HOXA3: variants seen among roughly 807,000 people sequenced by gnomAD.
The protein encoded by HOXA3 is homeobox protein Hox-A3.
Under a neutral mutation model 30.3 loss-of-function variants are expected in HOXA3, and 8 were observed. The ratio of observed to expected loss-of-function variants is 0.26; its 90% CI spans 0.15 to 0.48. The LOEUF is 0.48. Among genes scored for constraint, HOXA3 ranks in the 20% least tolerant of loss-of-function variants. The pLI is 0.99. For synonymous variants in HOXA3, 323 were observed against 273.1 expected (o/e 1.18, Z -1.80); for missense variants, 653 against 614.4 (o/e 1.06, Z -0.66).
chr7:27,145,654 G>A, intron 1 of HOXA3: 1 of 1,612,164 alleles, frequency 6.2e-7, no homozygotes, highest in Non-Finnish European at 8.5e-7. Context: ...CCCTGCCCAG[G>A]CATCTACTCG....
intron 2 of HOXA3, among the ~76,000 whole-genome samples, chr7:27,135,569 G>C (rs1785684947): frequency 6.6e-6 from 1 of 152,128 alleles, no homozygotes; most frequent in Non-Finnish European, 1.5e-5. Flanking sequence ...TTCTGTGTTT[G>C]AAAACTGCAA....
intron 3 of HOXA3, chr7:27,123,317 G>T: frequency 6.6e-6 from 1 of 152,444 alleles, no homozygotes. Context: ...GAAACTGAGA[G>T]GGACGCCGGC....
rs186097482 is a variant in HOXA3 at position 27,124,778 on chromosome 7, G to A, written c.-205+2108C>T. 3.7e-3 allele frequency among the ~76,000 whole-genome samples: 568 copies of A among 152,246 alleles called. 2 individuals are homozygous for A. The highest frequency in any genetic ancestry group is 6.8e-3 in the Middle Eastern group (2 of 294). On this transcript the variant is annotated intron_variant, in intron 3 of 5. Coordinates refer to ENST00000612286, the MANE Select transcript of HOXA3 (RefSeq NM_153631.3). ...CTACACCTTTATCAGCTGCAACCAGGGTCCTTTTTTTGGCTCTGCCGGCCT... is the reference window on the plus strand; with the variant it reads ...CTACACCTTTATCAGCTGCAACCAGAGTCCTTTTTTTGGCTCTGCCGGCCT...
intron 1 of HOXA3, among the ~76,000 whole-genome samples, chr7:27,143,978 C>G (rs1196202038): frequency 6.6e-6 from 1 of 152,188 alleles, no homozygotes; most frequent in Non-Finnish European, 1.5e-5. Flanking sequence ...GGGCCGGGGT[C>G]GAATTGAGGT....
intron 4 of HOXA3, among the ~76,000 whole-genome samples, chr7:27,118,790 C>T (rs146469013): frequency 9.8e-4 from 150 of 152,344 alleles, no homozygotes; most frequent in Non-Finnish European, 1.5e-3. Context: ...GGGGCAGGCC[C>T]AGAAATAACT....
intron 2 of HOXA3, among the ~76,000 whole-genome samples, chr7:27,138,024 C>A (rs1040444672): frequency 1.9e-4 from 29 of 151,920 alleles, no homozygotes; most frequent in African/African-American, 6.8e-4. Context: ...TAAAATGGAA[C>A]CATAACGCAA....
intron 1 of HOXA3, among the ~76,000 whole-genome samples, chr7:27,148,308 C>A (rs1185238689): frequency 6.6e-6 from 1 of 152,398 alleles, no homozygotes; most frequent in East Asian, 1.9e-4. Flanking sequence ...CCCTAGCGCT[C>A]CCCTATTCGT....
At chr7:27,151,791 C>A in intron 1 of HOXA3, 1 of 417,544 alleles carries the variant, frequency 2.4e-6, no homozygotes. Context: ...TGCACTTTGC[C>A]CTCACCTCTT....
Position 27,114,837 on chromosome 7 carries a change from A to ATATATAT in HOXA3, c.-120-4084_-120-4078dup, listed in dbSNP as rs1240891291. Among the ~76,000 whole-genome samples the ATATATAT allele has an allele frequency of 7.6e-4, 55 of 72,308 alleles. 1 individual carries two copies. Among genetic ancestry groups the ATATATAT allele is most frequent in the Non-Finnish European group, 1.1e-3 (35 of 32,308 alleles). The allele number at this position is 72,308 out of a possible 152,430, so 47.4% of individuals were successfully genotyped here. The stretch of plus-strand genomic sequence containing the variant: ...CATACATATATATATAATATATATT[A>ATATATAT]TATATATAATATATATTATATATAT... On this transcript the variant is annotated intron_variant, in intron 4 of 5. Transcript: ENST00000612286.
At position 27,130,286 on chromosome 7, in the gene HOXA3, G is replaced by A. The variant is rs1234880641; in HGVS notation, c.-389-3216C>T. The stretch of plus-strand genomic sequence containing the variant: ...TCGCAGCGCCGCGGGGCCGCTGGGG[G>A]CACGGCGCGAGGCTGCAGGGGCGGC... On this transcript the variant is annotated intron_variant, in intron 2 of 5. Transcript: ENST00000612286. 1 of 1,103,484 alleles carries A rather than the reference G, an allele frequency of 9.1e-7. No homozygotes were observed. Among genetic ancestry groups the A allele is most frequent in the Non-Finnish European group, 1.1e-6 (1 of 906,716 alleles). The allele number at this position is 1,103,484 out of a possible 1,614,324, so 68.4% of individuals were successfully genotyped here. A position where few individuals can be genotyped will look rare whatever the true frequency, so the allele number is the denominator to read the frequency against.
intron 1 of HOXA3, chr7:27,142,206 G>A: frequency 9.9e-7 from 1 of 1,008,436 alleles, no homozygotes; most frequent in Non-Finnish European, 1.4e-6. Context: ...CTGCCTACCA[G>A]CCCGCACACC....
At position 27,110,700 on chromosome 7, in the gene HOXA3, C is replaced by G; in HGVS notation, c.-60G>C. On this transcript the variant is annotated 5_prime_UTR_variant, in exon 5 of 6. Transcript: ENST00000612286. ...CAGGGGTTTGACACCCGTGAGGGCG[C>G]ACATTGGCACGCCCCCGCGGTCACG... 6.3e-7 allele frequency: 1 copy of G among 1,582,674 alleles called. No individual in the cohort carries two copies.
At chr7:27,130,758 A>C (rs1230357435) in intron 2 of HOXA3, 1 of 1,592,552 alleles carries the variant, frequency 6.3e-7, no homozygotes, top group South Asian at 1.1e-5. Flanking sequence ...CAAAAATACT[A>C]ATTTTTCTCG....
At chr7:27,151,616 C>T (rs905065404) in intron 1 of HOXA3, 5 of 456,642 alleles carry the variant, frequency 1.1e-5, no homozygotes, top group East Asian at 6.9e-5. Context: ...GCGCTTCAGA[C>T]ACCTCTCTCA....
Position 27,152,091 on chromosome 7 carries a change from TGTGCGTGCGCGC to T in HOXA3, c.-494+185_-494+196del, listed in dbSNP as rs1477151983. ...AGAAAGGGAGTGGTGTGTGTGTGTG[TGTGCGTGCGCGC>T]GTGTGTGCCTGTGTGTGTGACGTGT... On this transcript the variant is annotated intron_variant, in intron 1 of 5. Transcript: ENST00000612286. Among the ~76,000 whole-genome samples the T allele has an allele frequency of 8.1e-5, 3 of 37,056 alleles. No homozygotes were observed. In the Admixed American group the frequency reaches 1.4e-3, roughly 17 times the overall value. The allele number at this position is 37,056 out of a possible 152,430, so 24.3% of individuals were successfully genotyped here.
chr7:27,143,519 A>G, intron 1 of HOXA3: 2 of 1,613,866 alleles, frequency 1.2e-6, no homozygotes. Context: ...TTGCTCGCTC[A>G]CGGAACTATG....
intron 2 of HOXA3, among the ~76,000 whole-genome samples, chr7:27,136,509 G>A (rs996914401): frequency 6.6e-6 from 1 of 152,168 alleles, no homozygotes; most frequent in Non-Finnish European, 1.5e-5. Flanking sequence ...AACTAAAGAC[G>A]CAGCCCTAAT....
In HOXA3 at chr7:27,114,769, G is replaced by A. The variant is rs377265163; in HGVS notation, c.-120-4009C>T. Reference sequence around the variant, plus strand: ...TACACACACACACACACACACACACGCAGGGCAGAGGAATATGTGGTTTCT... The same window carrying A: ...TACACACACACACACACACACACACACAGGGCAGAGGAATATGTGGTTTCT... On this transcript the variant is annotated intron_variant, in intron 4 of 5. Coordinates refer to ENST00000612286, the MANE Select transcript of HOXA3 (RefSeq NM_153631.3). Among the ~76,000 whole-genome samples the A allele has an allele frequency of 2.4e-3, 26 of 10,860 alleles. 1 individual carries two copies. Among genetic ancestry groups the A allele is most frequent in the Admixed American group, 6.0e-3 (4 of 670 alleles). 7.1% of individuals were successfully genotyped at this position (10,860 alleles called of 152,430 possible).
At chr7:27,118,679 T>C (rs1015587239) in intron 4 of HOXA3, among the ~76,000 whole-genome samples, 1 of 152,188 alleles carries the variant, frequency 6.6e-6, no homozygotes, top group Non-Finnish European at 1.5e-5. Flanking sequence ...TTAGAATCCA[T>C]TTAACTTTCC....
Sources: allele counts gnomAD v4.1 joint callset (sites outside exome capture counted in the v4.1 genomes callset), GRCh38; gene constraint gnomAD v4.1.1; transcripts MANE v1.5; gene names NCBI Gene and HGNC (gene_info 2026-07-23, HGNC 2026-07-21).